FASLG: variants seen among roughly 807,000 people sequenced by gnomAD.
The protein encoded by FASLG is Fas ligand, also known as tumor necrosis factor ligand superfamily member 6.
In FASLG, 9 loss-of-function variants were observed where a neutral mutation model predicts 24.6. The ratio of observed to expected loss-of-function variants is 0.37; its 90% CI spans 0.22 to 0.64. The LOEUF (loss-of-function observed/expected upper bound fraction) is 0.64. FASLG is among the 30% of genes least tolerant of loss of function. The pLI is 0.64. For synonymous variants in FASLG, 130 were observed against 135.5 expected, an observed-to-expected ratio of 0.96 and a Z score of 0.28; for missense variants, 306 against 345.3, an observed-to-expected ratio of 0.89 and a Z score of 0.90.
chr1:172,664,670 C>T (rs1377093364), intron 3 of FASLG, among the ~76,000 whole-genome samples: 1 of 152,166 alleles, frequency 6.6e-6, no homozygotes, highest in African/African-American at 2.4e-5. Flanking sequence ...TCCAAAGTCC[C>T]TTGGGGGATT....
intron 3 of FASLG, among the ~76,000 whole-genome samples, chr1:172,665,399 C>T (rs972790120): frequency 6.6e-6 from 1 of 152,092 alleles, no homozygotes; most frequent in African/African-American, 2.4e-5. Flanking sequence ...CAATGGATTA[C>T]GGGTATATAC....
intron 1 of FASLG, 25 bp downstream of exon 1, chr1:172,659,574 G>A (rs752933255): frequency 1.9e-6 from 3 of 1,611,810 alleles, no homozygotes; most frequent in Non-Finnish European, 2.5e-6. Context: ...AGACTGCTGT[G>A]CCCTGGAGGC....
intron 2 of FASLG, among the ~76,000 whole-genome samples, chr1:172,663,713 T>C (rs1659190821): frequency 6.6e-6 from 1 of 152,098 alleles, no homozygotes; most frequent in Non-Finnish European, 1.5e-5. Flanking sequence ...TTAAAGGTGT[T>C]TGAGGACTCA....
intron 2 of FASLG, 102 bp from the exon 3 acceptor site, chr1:172,664,232 G>A (rs959761685): frequency 2.6e-5 from 32 of 1,225,784 alleles, no homozygotes; most frequent in African/African-American, 4.6e-5. Context: ...TGCCATTTAC[G>A]GTTTTAAAAT....
rs376383896 is a variant in FASLG, at chr1:172,660,143, G to A, written c.394+3G>A. On this transcript the variant is annotated splice_donor_region_variant and intron_variant, in intron 2 of 3. Transcript: ENST00000367721. ...ATCATCTTTGGAGAAGCAAATAGGT[G>A]AGTCTTTTTTCGCATGTACATTGAG... The A allele has an allele frequency of 6.0e-5, 97 of 1,613,884 alleles. No individual in the cohort carries two copies. The highest frequency in any genetic ancestry group is 1.0e-4 in the Admixed American group (6 of 60,008).
intron 2 of FASLG, among the ~76,000 whole-genome samples, chr1:172,661,110 A>G (rs1186355755): frequency 2.0e-5 from 3 of 152,226 alleles, no homozygotes; most frequent in Non-Finnish European, 4.4e-5. Flanking sequence ...AGGGCTTTCC[A>G]GTACTGGACT....
intron 2 of FASLG, 128 bp from the exon 3 acceptor site, chr1:172,664,206 G>T (rs1659202631): frequency 3.3e-6 from 3 of 914,870 alleles, no homozygotes; most frequent in Non-Finnish European, 5.2e-6. Flanking sequence ...TACATGATTA[G>T]TATATGTTAG....
intron 2 of FASLG, 49 bp downstream of exon 2, chr1:172,660,189 C>T: frequency 6.4e-7 from 1 of 1,562,908 alleles, no homozygotes; most frequent in East Asian, 2.2e-5. Context: ...TGATCCTCAG[C>T]ACAGAACTAT....
chr1:172,663,339 C>T (rs1352813536), intron 2 of FASLG, among the ~76,000 whole-genome samples: 1 of 151,824 alleles, frequency 6.6e-6, no homozygotes, highest in Non-Finnish European at 1.5e-5. Flanking sequence ...ATGTAGTTAC[C>T]CCAGAGACAA....
chr1:172,660,167 A>G (rs375044234), intron 2 of FASLG, 27 bp downstream of exon 2: 1 of 1,608,460 alleles, frequency 6.2e-7, no homozygotes, highest in African/African-American at 1.3e-5. Context: ...ATGTACATTG[A>G]GTTCCCAAAG....
intron 1 of FASLG, among the ~76,000 whole-genome samples, 189 bp downstream of exon 1, chr1:172,659,738 T>C (rs1383069861): frequency 2.0e-5 from 3 of 152,164 alleles, no homozygotes; most frequent in Non-Finnish European, 4.4e-5. Flanking sequence ...TTTTTTACTT[T>C]GTAAAGAATC....
At chr1:172,661,354 TTATATG>T in intron 2 of FASLG, among the ~76,000 whole-genome samples, 1 of 152,224 alleles carries the variant, frequency 6.6e-6, no homozygotes, top group East Asian at 1.9e-4. Flanking sequence ...TGTTAAGTTC[TTATATG>T]AGCCACTGTT....
chr1:172,663,682 G>A (rs1434069669), intron 2 of FASLG, among the ~76,000 whole-genome samples: 2 of 152,152 alleles, frequency 1.3e-5, no homozygotes, highest in Admixed American at 6.5e-5. Context: ...TGTATACGAC[G>A]GCATCTTCGG....
rs112628504 is a variant in FASLG at position 172,665,555 on chromosome 1, C to T, written c.452-67C>T. 12 of 1,586,402 alleles carry T rather than the reference C, an allele frequency of 7.6e-6. No homozygotes were observed. In the African/African-American group the frequency reaches 9.4e-5, roughly 12 times the overall value. On this transcript the variant is annotated intron_variant, in intron 3 of 3. Coordinates refer to ENST00000367721, the MANE Select transcript of FASLG (RefSeq NM_000639.3). ...TTGAAGGAAGGGCCCACAGTTTTGC[C>T]TTAGAAACTTAGTTTGTTGGATGCA...
At position 172,659,250 on chromosome 1, in the gene FASLG, A is replaced by C. The variant is rs777720730; in HGVS notation, c.49A>C (p.Ser17Arg). 106 of 1,614,172 alleles carry C rather than the reference A, an allele frequency of 6.6e-5. No homozygotes were observed. Among genetic ancestry groups the C allele is most frequent in the Non-Finnish European group, 8.5e-5 (100 of 1,180,018 alleles). The change falls in exon 1 of 4, where the codon AGC becomes CGC. Residue 17 changes from serine to arginine, a missense_variant. Ser to Arg is a moderately radical substitution (Grantham distance 110). Transcript: ENST00000367721. ...YPYPQIYWVD[S>R]SASSPWAPPG... ...ATATCCCCAGATCTACTGGGTGGAC[A>C]GCAGTGCCAGCTCTCCCTGGGCCCC...
chr1:172,659,342 A>C lies in FASLG; in HGVS notation c.141A>C (p.Pro47=), dbSNP rs142147680. The stretch of plus-strand genomic sequence containing the variant: ...GGCCTGGTCAAAGGAGGCCACCACC[A>C]CCACCGCCACCGCCACCACTACCAC... ...PRRPGQRRPP[P]PPPPPPLPPP... Residue 47 remains proline (P), a synonymous_variant, in exon 1 of 4, where the codon CCA becomes CCC. Coordinates refer to ENST00000367721, the MANE Select transcript of FASLG (RefSeq NM_000639.3). 6.2e-7 allele frequency: 1 copy of C among 1,610,728 alleles called. No homozygotes were observed. The highest frequency in any genetic ancestry group is 8.5e-7 in the Non-Finnish European group (1 of 1,178,676).
chr1:172,664,275 AC>A, intron 2 of FASLG, 58 bp from the exon 3 acceptor site: 2 of 1,556,154 alleles, frequency 1.3e-6, no homozygotes, highest in Non-Finnish European at 1.8e-6. Flanking sequence ...TTAAATTCCC[AC>A]CAAAATAATA....
In FASLG at chr1:172,659,482, T is replaced by G; in HGVS notation, c.281T>G (p.Leu94Trp). ...ATGTTTTTCATGGTTCTGGTTGCCT[T>G]GGTAGGATTGGGCCTGGGGATGTTT... Reference protein sequence around the residue: ...LVMFFMVLVALVGLGLGMFQL... With the variant: ...LVMFFMVLVAWVGLGLGMFQL... Residue 94 changes from leucine to tryptophan, a missense_variant, in exon 1 of 4, where the codon TTG (leucine) becomes TGG (tryptophan). Coordinates refer to ENST00000367721, the MANE Select transcript of FASLG (RefSeq NM_000639.3). The G allele has an allele frequency of 6.2e-7, 1 of 1,614,058 alleles. No homozygotes were observed. The highest frequency in any genetic ancestry group is 8.5e-7 in the Non-Finnish European group (1 of 1,179,984).
In FASLG at chr1:172,661,143, C is replaced by T. The variant is rs532909149; in HGVS notation, c.394+1003C>T. On this transcript the variant is annotated intron_variant, in intron 2 of 3. Coordinates refer to ENST00000367721, the MANE Select transcript of FASLG (RefSeq NM_000639.3). ...ACTGGTGCCTCATGAAGGAGGGAAACTCCTGTCTCTCTGTAGTGAGCATGG... is the reference window on the plus strand; with the variant it reads ...ACTGGTGCCTCATGAAGGAGGGAAATTCCTGTCTCTCTGTAGTGAGCATGG... Among the ~76,000 whole-genome samples, 80 of 152,154 alleles carry T rather than the reference C, an allele frequency of 5.3e-4. 1 individual carries two copies. Among genetic ancestry groups the T allele is most frequent in the Non-Finnish European group, 8.7e-4 (59 of 68,038 alleles).
Sources: gnomAD v4.1 joint callset for allele counts (sites outside exome capture counted in the v4.1 genomes callset) on GRCh38, gnomAD v4.1.1 for gene constraint, MANE v1.5 for transcripts, NCBI Gene and HGNC (gene_info 2026-07-23, HGNC 2026-07-21) for gene names.